Variants in NAV3 observed in about 807,000 individuals in gnomAD.
The protein encoded by NAV3 is pore membrane and/or filament interacting like protein 1.
Under a neutral mutation model 244.7 loss-of-function variants are expected in NAV3, and 87 were observed. The observed-to-expected ratio is 0.36, with a 90% CI of 0.30 to 0.42. The LOEUF is 0.42. Ranked by LOEUF, NAV3 falls within the 20% of genes least tolerant of loss-of-function variation. NAV3 has a pLI of 1.00. For synonymous variants in NAV3, 1,126 were observed against 1,042.2 expected (o/e 1.08, Z -1.55); for missense variants, 2,663 against 2,893.3 (o/e 0.92, Z 1.83).
chr12:77,719,067 C>A (rs1876495213), intron 2 of NAV3, among the ~76,000 whole-genome samples: 1 of 151,948 alleles, frequency 6.6e-6, no homozygotes, highest in Admixed American at 6.6e-5. Flanking sequence ...GTATTTTATT[C>A]TTTTTGGTAC....
intron 2 of NAV3, among the ~76,000 whole-genome samples, chr12:77,666,418 T>C (rs1367854437): frequency 1.3e-5 from 2 of 152,102 alleles, no homozygotes; most frequent in Non-Finnish European, 2.9e-5. Context: ...ATCAGATTAC[T>C]TGAATCATAT....
intron 1 of NAV3, among the ~76,000 whole-genome samples, chr12:77,899,307 C>G (rs1884985756): frequency 6.6e-6 from 1 of 152,188 alleles, no homozygotes; most frequent in African/African-American, 2.4e-5. Flanking sequence ...AACAGCATTG[C>G]ATGCTGCAGA....
chr12:78,051,283 G>A (rs1882723324), intron 11 of NAV3, 136 bp downstream of exon 11: 3 of 918,914 alleles, frequency 3.3e-6, no homozygotes, highest in African/African-American at 1.6e-5. Flanking sequence ...TATTCAGAGT[G>A]TTGAAGGGCC....
intron 2 of NAV3, among the ~76,000 whole-genome samples, chr12:77,690,074 T>TA (rs1231616918): frequency 1.3e-5 from 2 of 151,960 alleles, no homozygotes; most frequent in African/African-American, 4.8e-5. Context: ...CTTTAGTGTA[T>TA]AATGACATTC....
At chr12:78,061,793 C>T (rs897901259) in intron 12 of NAV3, among the ~76,000 whole-genome samples, 3 of 151,840 alleles carry the variant, frequency 2.0e-5, no homozygotes, top group Non-Finnish European at 4.4e-5. Context: ...ATATAAGATA[C>T]TACTTTTTTG....
At chr12:77,600,750 A>G (rs1218000321) in intron 2 of NAV3, among the ~76,000 whole-genome samples, 1 of 151,968 alleles carries the variant, frequency 6.6e-6, no homozygotes, top group Non-Finnish European at 1.5e-5. Flanking sequence ...TCCCAGGACA[A>G]ATGATAATGG....
chr12:78,115,054 T>C (rs1265609214), intron 12 of NAV3, among the ~76,000 whole-genome samples: 1 of 152,188 alleles, frequency 6.6e-6, no homozygotes, highest in Non-Finnish European at 1.5e-5. Flanking sequence ...GGACTTATGA[T>C]GTAGCTCTTG....
intron 3 of NAV3, among the ~76,000 whole-genome samples, chr12:77,963,503 C>T (rs1892214001): frequency 6.6e-6 from 1 of 152,058 alleles, no homozygotes; most frequent in African/African-American, 2.4e-5. Flanking sequence ...GTATTATTTT[C>T]TTGAAAGTCA....
chr12:78,072,763 T>A (rs1406497005), intron 12 of NAV3, among the ~76,000 whole-genome samples: 1 of 143,198 alleles, frequency 7.0e-6, no homozygotes, highest in Admixed American at 7.1e-5. Flanking sequence ...ATATCCTTGA[T>A]GAACATTGAT....
At chr12:77,747,784 C>G (rs1868629791) in intron 2 of NAV3, among the ~76,000 whole-genome samples, 1 of 151,404 alleles carries the variant, frequency 6.6e-6, no homozygotes. Flanking sequence ...ATTGCAAAGA[C>G]AAAAAACCAA....
intron 2 of NAV3, among the ~76,000 whole-genome samples, chr12:77,574,613 C>T (rs1055676522): frequency 2.1e-4 from 32 of 152,192 alleles, no homozygotes; most frequent in African/African-American, 6.7e-4. Context: ...TTTAATATTA[C>T]TGAAAAAGTG....
chr12:77,776,676 A>C (rs1280053159), intron 2 of NAV3, among the ~76,000 whole-genome samples: 26 of 152,188 alleles, frequency 1.7e-4, no homozygotes, highest in Admixed American at 1.7e-3. Flanking sequence ...GTTTCTGACC[A>C]AATCTAAACA....
chr12:78,150,629 CCTCACACACACACACACACACACA>C (rs1242230593), intron 22 of NAV3, among the ~76,000 whole-genome samples: 1 of 122,532 alleles, frequency 8.2e-6, no homozygotes, highest in Non-Finnish European at 1.7e-5. Context: ...GCAAAAGCTT[CCTCACACACACACACACACACACA>C]CACACACACA....
intron 12 of NAV3, among the ~76,000 whole-genome samples, chr12:78,090,710 G>A (rs300487): frequency 0.076 from 11,601 of 151,898 alleles, 441 homozygotes; most frequent in African/African-American, 0.085. Flanking sequence ...AAACTGTTAC[G>A]GTTGACACAT....
chr12:77,656,288 A>C (rs1222223931), intron 2 of NAV3, among the ~76,000 whole-genome samples: 3 of 135,070 alleles, frequency 2.2e-5, no homozygotes, highest in African/African-American at 3.2e-5. Context: ...GGAAAACAAA[A>C]AAAGGCAGGG....
rs74614734 is a variant in NAV3, at chr12:77,977,364, A to C, written c.671+8662A>C. 2.0e-5 allele frequency among the ~76,000 whole-genome samples: 3 copies of C among 152,270 alleles called. No individual in the cohort carries two copies. The East Asian group carries it at 5.8e-4, about 29-fold the overall frequency. ...GTCTTTCTAGGAGTGTTACTAACAT[A>C]GTTACACTCCACTATCTTTAGTTCT... On this transcript the variant is annotated intron_variant, in intron 5 of 39. Transcript: ENST00000397909.
intron 2 of NAV3, among the ~76,000 whole-genome samples, chr12:77,602,563 A>C (rs1020740209): frequency 6.6e-6 from 1 of 151,952 alleles, no homozygotes; most frequent in Non-Finnish European, 1.5e-5. Context: ...AAAGGATAAC[A>C]TTGGGAGGAA....
intron 2 of NAV3, among the ~76,000 whole-genome samples, chr12:77,808,279 C>T (rs529029994): frequency 6.6e-5 from 10 of 152,252 alleles, no homozygotes; most frequent in African/African-American, 2.4e-4. Flanking sequence ...AATTTTCTGC[C>T]TTTTTGTGCT....
chr12:77,994,674 T>C, intron 5 of NAV3, 129 bp from the exon 6 acceptor site: 4 of 623,438 alleles, frequency 6.4e-6, no homozygotes, highest in Non-Finnish European at 1.1e-5. Flanking sequence ...CTAATTAATT[T>C]GTTCTTTATA....
Sources: gnomAD v4.1 joint callset for allele counts (sites outside exome capture counted in the v4.1 genomes callset) on GRCh38, gnomAD v4.1.1 for gene constraint, MANE v1.5 for transcripts, NCBI Gene and HGNC (gene_info 2026-07-23, HGNC 2026-07-21) for gene names.